The following GTF2I variants were observed in gnomAD, a reference collection of about 807,000 sequenced individuals.
The protein encoded by GTF2I is general transcription factor II-I.
A neutral mutation model predicts 67.6 loss-of-function variants in GTF2I; 12 were observed. The ratio of observed to expected loss-of-function variants is 0.18; its 90% confidence interval spans 0.11 to 0.29. GTF2I has a LOEUF of 0.29. Ranked by LOEUF, GTF2I falls within the 10% of genes least tolerant of loss-of-function variation. The pLI is 1.00. For synonymous variants in GTF2I, 149 were observed against 197.0 expected, an observed-to-expected ratio of 0.76 and a Z score of 2.04; for missense variants, 271 against 580.1, an observed-to-expected ratio of 0.47 and a Z score of 5.47.
At chr7:74,668,531 T>C (rs1392368633) in intron 1 of GTF2I, among the ~76,000 whole-genome samples, 1 of 152,014 alleles carries the variant, frequency 6.6e-6, no homozygotes, top group Non-Finnish European at 1.5e-5. Context: ...TGTTTTGATC[T>C]CATTTCCATA....
chr7:74,728,071 GGGT>G (rs1794091274), intron 12 of GTF2I: 1 of 152,228 alleles, frequency 6.6e-6, no homozygotes, highest in Admixed American at 6.6e-5. Flanking sequence ...TGGCCGAGGT[GGGT>G]GGATCACTTG....
chr7:74,700,833 C>T (rs587733446), intron 6 of GTF2I, among the ~76,000 whole-genome samples, 199 bp downstream of exon 6: 15 of 152,306 alleles, frequency 9.8e-5, no homozygotes, highest in East Asian at 1.9e-4. Context: ...TTTTCAGCTT[C>T]GCTGCTTGTT....
At chr7:74,673,396 G>C (rs1805622918) in intron 1 of GTF2I, among the ~76,000 whole-genome samples, 1 of 151,916 alleles carries the variant, frequency 6.6e-6, no homozygotes, top group East Asian at 1.9e-4. Flanking sequence ...TTTTGTCTGA[G>C]ATGGAGTTTC....
intron 8 of GTF2I, among the ~76,000 whole-genome samples, chr7:74,706,886 T>C (rs1790786798): frequency 6.6e-6 from 1 of 152,000 alleles, no homozygotes. Flanking sequence ...AGTCTTGCTT[T>C]GTCACCCAGA....
intron 1 of GTF2I, among the ~76,000 whole-genome samples, chr7:74,678,623 G>T (rs587594042): frequency 6.6e-6 from 1 of 152,072 alleles, no homozygotes; most frequent in African/African-American, 2.4e-5. Context: ...CTTTTAGGTG[G>T]CGAGTCAAGG....
chr7:74,660,450 C>T (rs1226995581), intron 1 of GTF2I, among the ~76,000 whole-genome samples: 1 of 152,068 alleles, frequency 6.6e-6, no homozygotes, highest in Non-Finnish European at 1.5e-5. Flanking sequence ...CCTCGGTCTC[C>T]GAAAGTGCTG....
In GTF2I at chr7:74,700,619, C is replaced by G; in HGVS notation, c.571C>G (p.Pro191Ala). The change falls in exon 6 of 35, where the codon CCA becomes GCA. Residue 191 changes from proline (P) to alanine (A), a missense_variant. Around this residue, in one of 9 missense-constraint regions of GTF2I, gnomAD observed 38 missense variants for 87.8 expected, o/e 0.43. Coordinates refer to ENST00000573035, the MANE Select transcript of GTF2I (RefSeq NM_032999.4). The part of the protein sequence containing the change: ...SFIIKRPFLE[P>A]KKHVGGRVMV... ...GTTTTAATGCAGACCTTTTTTAGAG[C>G]CAAAGAAGCATGTAGGTAAGTAAGT... 6.2e-7 allele frequency: 1 copy of G among 1,613,970 alleles called. No individual in the cohort carries two copies. Among genetic ancestry groups the G allele is most frequent in the East Asian group, 2.2e-5 (1 of 44,878 alleles).
At chr7:74,669,697 C>T (rs1257883318) in intron 1 of GTF2I, among the ~76,000 whole-genome samples, 1 of 151,384 alleles carries the variant, frequency 6.6e-6, no homozygotes, top group Non-Finnish European at 1.5e-5. Context: ...CCATGCCCAG[C>T]AATTTTTGTA....
chr7:74,731,761 T>G (rs1794505160), intron 14 of GTF2I, among the ~76,000 whole-genome samples: 1 of 149,048 alleles, frequency 6.7e-6, no homozygotes, highest in Non-Finnish European at 1.5e-5. Flanking sequence ...GCCAGGCTGG[T>G]CTTGAACTCC....
intron 1 of GTF2I, among the ~76,000 whole-genome samples, chr7:74,662,605 C>T (rs1218197619): frequency 7.2e-6 from 1 of 138,108 alleles, no homozygotes; most frequent in Non-Finnish European, 1.5e-5. Context: ...TCACTGCTAC[C>T]TCTGCCTCCT....
intron 1 of GTF2I, among the ~76,000 whole-genome samples, chr7:74,675,278 T>C (rs113638001): frequency 8.5e-5 from 13 of 152,232 alleles, no homozygotes; most frequent in African/African-American, 3.1e-4. Context: ...TGCTTCCTCA[T>C]GCTTATATTG....
At chr7:74,748,892 CAA>C (rs1422798876) in intron 24 of GTF2I, 131 bp from the exon 25 acceptor site, 2 of 464,540 alleles carry the variant, frequency 4.3e-6, no homozygotes, top group Non-Finnish European at 4.1e-6. Flanking sequence ...GCCTGGGTAA[CAA>C]GAGCGAAACT....
At chr7:74,671,888 G>GT (rs200606745) in intron 1 of GTF2I, among the ~76,000 whole-genome samples, 2,392 of 152,032 alleles carry the variant, frequency 0.016, 34 homozygotes, top group Non-Finnish European at 0.024. Context: ...GAAGGATGAG[G>GT]TGGGAGGATT....
chr7:74,658,827 G>T lies in GTF2I; in HGVS notation c.-6+759G>T, dbSNP rs193105691. On this transcript the variant is annotated intron_variant, in intron 1 of 34. Coordinates refer to ENST00000573035, the MANE Select transcript of GTF2I (RefSeq NM_032999.4). ...AGCTTTAGGCCATGAAAATTAAGCC[G>T]TCTGGGTTCAGCCAGCACCCAGACG... Among the ~76,000 whole-genome samples the T allele has an allele frequency of 8.1e-4, 123 of 152,222 alleles. 1 individual carries two copies. The South Asian group carries it at 0.011, about 14-fold the overall frequency.
intron 12 of GTF2I, among the ~76,000 whole-genome samples, chr7:74,725,267 G>C (rs1416950753): frequency 6.6e-6 from 1 of 152,268 alleles, no homozygotes; most frequent in South Asian, 2.1e-4. Context: ...TGAGGATGTG[G>C]TGAAGTTTAT....
intron 7 of GTF2I, among the ~76,000 whole-genome samples, chr7:74,705,954 A>T (rs1487706674): frequency 4.0e-5 from 6 of 151,774 alleles, no homozygotes; most frequent in Admixed American, 3.9e-4. Flanking sequence ...TTCAGTTGAT[A>T]ACTCTTTTTT....
chr7:74,690,356 A>G (rs1323956301), intron 2 of GTF2I, among the ~76,000 whole-genome samples: 1 of 152,192 alleles, frequency 6.6e-6, no homozygotes, highest in Non-Finnish European at 1.5e-5. Flanking sequence ...CATTAAATGG[A>G]ATACTATATA....
intron 1 of GTF2I, among the ~76,000 whole-genome samples, chr7:74,660,702 A>C (rs1182105870): frequency 6.9e-6 from 1 of 144,058 alleles, no homozygotes; most frequent in African/African-American, 2.6e-5. Context: ...GCTCACTGCA[A>C]CCTCCGCCTC....
intron 12 of GTF2I, among the ~76,000 whole-genome samples, chr7:74,723,210 G>T (rs372452770): frequency 6.9e-6 from 1 of 145,126 alleles, no homozygotes; most frequent in African/African-American, 2.5e-5. Flanking sequence ...TGCATCCCCT[G>T]CCTCCCAGGT....
Sources: gnomAD v4.1 joint callset for allele counts (sites outside exome capture counted in the v4.1 genomes callset) on GRCh38, gnomAD v4.1.1 for gene constraint, gnomAD v4.1.1 regional missense constraint, MANE v1.5 for transcripts, NCBI Gene and HGNC (gene_info 2026-07-23, HGNC 2026-07-21) for gene names.